Variants in DNAH17 observed in about 807,000 individuals in gnomAD.
The protein encoded by DNAH17 is axonemal beta dynein heavy chain 17.
Under a neutral mutation model 485.6 loss-of-function variants are expected in DNAH17, and 376 were observed. That is an observed-to-expected ratio of 0.77 (90% CI 0.71 to 0.84). The LOEUF is 0.84. Ranked by LOEUF, DNAH17 falls within the 40% of genes least tolerant of loss-of-function variation. DNAH17 has a pLI of 0.00. For synonymous variants in DNAH17, 3,031 were observed against 2,405.9 expected, an observed-to-expected ratio of 1.26 and a Z score of -7.60; for missense variants, 6,370 against 5,839.3, an observed-to-expected ratio of 1.09 and a Z score of -2.96.
chr17:78,475,964 G>C, intron 52 of DNAH17, 131 bp from the exon 53 acceptor site: 1 of 1,064,730 alleles, frequency 9.4e-7, no homozygotes, highest in Non-Finnish European at 1.3e-6. Flanking sequence ...AAGTCTCCAG[G>C]GGCCCAAACC....
intron 48 of DNAH17, among the ~76,000 whole-genome samples, chr17:78,483,314 G>C (rs1414629761): frequency 6.6e-6 from 1 of 152,186 alleles, no homozygotes; most frequent in African/African-American, 2.4e-5. Context: ...GCAAGTGATG[G>C]AGTCAGACAT....
intron 36 of DNAH17, chr17:78,499,357 A>C (rs1239651577): frequency 5.5e-6 from 2 of 363,314 alleles, no homozygotes; most frequent in East Asian, 8.5e-5. Flanking sequence ...CAGGATGGGG[A>C]CTTCCTGGAG....
chr17:78,431,454 C>A (rs893746807), intron 75 of DNAH17, among the ~76,000 whole-genome samples: 2 of 151,336 alleles, frequency 1.3e-5, no homozygotes, highest in African/African-American at 4.9e-5. Flanking sequence ...GGGAACCCCC[C>A]ACCCCGAGAC....
chr17:78,547,649 A>T (rs111648221), intron 16 of DNAH17, among the ~76,000 whole-genome samples: 24,305 of 142,554 alleles, frequency 0.17, 2,109 homozygotes, highest in African/African-American at 0.22. Flanking sequence ...ATGGAGTCTC[A>T]CTCTGTCTCC....
intron 9 of DNAH17, among the ~76,000 whole-genome samples, chr17:78,568,753 G>A (rs907306207): frequency 1.2e-4 from 18 of 152,170 alleles, no homozygotes; most frequent in African/African-American, 4.3e-4. Context: ...GCTGGGCCAT[G>A]CACCATTTTT....
chr17:78,526,385 G>T (rs116254658), intron 24 of DNAH17, among the ~76,000 whole-genome samples: 118 of 152,306 alleles, frequency 7.7e-4, no homozygotes, highest in Non-Finnish European at 1.4e-3. Context: ...GGCCTGAGCC[G>T]TGGGCCTGGA....
In DNAH17 at chr17:78,423,767, C is replaced by T. The variant is rs562278569; in HGVS notation, c.*139G>A. The T allele has an allele frequency of 1.2e-5, 14 of 1,164,010 alleles. No homozygotes were observed. The East Asian group carries it at 3.3e-4, about 27-fold the overall frequency. The allele number at this position is 1,164,010 out of a possible 1,614,324, so 72.1% of individuals were successfully genotyped here. On this transcript the variant is annotated 3_prime_UTR_variant, in exon 81 of 81. Transcript: ENST00000389840. Reference sequence around the variant, plus strand: ...ACCTCCACCCTCTGGTTCCGATGTGCTTGGTTACAAAGCACCTGATTATTT... The same window carrying T: ...ACCTCCACCCTCTGGTTCCGATGTGTTTGGTTACAAAGCACCTGATTATTT...
In DNAH17 at chr17:78,486,077, G is replaced by C. The variant is rs1271934234; in HGVS notation, c.7158C>G (p.Ile2386Met). The C allele has an allele frequency of 6.2e-7, 1 of 1,613,948 alleles. No individual in the cohort carries two copies. The highest frequency in any genetic ancestry group is 8.5e-7 in the Non-Finnish European group (1 of 1,179,886). The change falls in exon 46 of 81, where the codon ATC becomes ATG. Residue 2386 changes from isoleucine (I) to methionine (M), a missense_variant. Ile to Met is a conservative substitution (Grantham distance 10). Transcript: ENST00000389840. ...SKWWINEFKT[I>M]KFPSQGTIFD... ...AAATCGTTCCCTGCGAGGGGAACTT[G>C]ATAGTCTTGAATTCGTTGATCCACC...
At chr17:78,456,849 C>A (rs146603902) in intron 62 of DNAH17, among the ~76,000 whole-genome samples, 2 of 152,376 alleles carry the variant, frequency 1.3e-5, no homozygotes, top group East Asian at 1.9e-4. Flanking sequence ...GCCTGGGGCA[C>A]TCACAGCTGA....
At chr17:78,425,233 C>G (rs1323694343) in intron 80 of DNAH17, 113 bp downstream of exon 80, 1 of 1,071,396 alleles carries the variant, frequency 9.3e-7, no homozygotes, top group African/African-American at 1.6e-5. Flanking sequence ...CTCTCTCCTG[C>G]CTGTCCCCAC....
At chr17:78,446,137 G>A (rs2087282713) in intron 69 of DNAH17, among the ~76,000 whole-genome samples, 1 of 117,464 alleles carries the variant, frequency 8.5e-6, no homozygotes, top group Non-Finnish European at 1.6e-5. Context: ...TTACGCCACT[G>A]CGCTCTAGCC....
intron 41 of DNAH17, 92 bp from the exon 42 acceptor site, chr17:78,492,857 T>TTTTTTTTTTTG (rs1241445461): frequency 3.7e-6 from 4 of 1,071,754 alleles, no homozygotes; most frequent in African/African-American, 3.7e-5. Context: ...CCTGGATGGT[T>TTTTTTTTTTTG]TTTTTTTTTT....
At chr17:78,485,245 G>A (rs938980079) in intron 47 of DNAH17, 1 of 670,032 alleles carries the variant, frequency 1.5e-6, no homozygotes, top group Non-Finnish European at 2.5e-6. Flanking sequence ...GAGGGTGGCA[G>A]GAACCTTGCT....
In DNAH17 at chr17:78,565,008, G is replaced by A. The variant is rs530717307; in HGVS notation, c.1569+1606C>T. Among the ~76,000 whole-genome samples the A allele has an allele frequency of 9.2e-5, 14 of 152,238 alleles. No homozygotes were observed. The South Asian group carries it at 2.1e-3, about 23-fold the overall frequency. On this transcript the variant is annotated intron_variant, in intron 11 of 80. Coordinates refer to ENST00000389840, the MANE Select transcript of DNAH17 (RefSeq NM_173628.4). ...CAGGGTCTCCATCCTCCACCATCCC[G>A]CAGGGGATGTCTGATTACCCTAACC... is the stretch of plus-strand genomic sequence containing the variant.
In DNAH17 at chr17:78,449,081, C is replaced by A. The variant is rs1044527252; in HGVS notation, c.11211+333G>T. Reference sequence around the variant, plus strand: ...TTCTTAAGAAACATCAGTCACCCCACAGTGGGCTAAGCACTAATGCAGGAC... The same window carrying A: ...TTCTTAAGAAACATCAGTCACCCCAAAGTGGGCTAAGCACTAATGCAGGAC... On this transcript the variant is annotated intron_variant, in intron 69 of 80. Transcript: ENST00000389840. Among the ~76,000 whole-genome samples, 377 of 152,316 alleles carry A rather than the reference C, an allele frequency of 2.5e-3. 4 individuals carry two copies. The highest frequency in any genetic ancestry group is 0.022 in the Admixed American group (338 of 15,296).
At chr17:78,559,701 C>T (rs962466345) in intron 13 of DNAH17, among the ~76,000 whole-genome samples, 12 of 152,228 alleles carry the variant, frequency 7.9e-5, no homozygotes, top group Admixed American at 2.0e-4. Context: ...CTCTGTCTGA[C>T]ACCCTGCAGG....
chr17:78,525,793 G>A (rs998112004), intron 24 of DNAH17, among the ~76,000 whole-genome samples: 1 of 152,248 alleles, frequency 6.6e-6, no homozygotes, highest in African/African-American at 2.4e-5. Context: ...CCAGCCCGGG[G>A]CCCTAGGGAG....
Position 78,502,983 on chromosome 17 carries a change from T to C in DNAH17, c.4985A>G (p.Asp1662Gly). The change falls in exon 32 of 81, where the codon GAC becomes GGC. Residue 1662 changes from aspartate to glycine, a missense_variant. Transcript: ENST00000389840. The part of the protein sequence containing the change: ...QVEVWLNRVL[D>G]RMCSTLRHEI... ...GTGCCGGAGGGTAGAGCACATTCGGTCCAGCACTCGATTCAGCCACACTTC... is the reference window on the plus strand; with the variant it reads ...GTGCCGGAGGGTAGAGCACATTCGGCCCAGCACTCGATTCAGCCACACTTC... The C allele has an allele frequency of 1.2e-6, 2 of 1,613,770 alleles. No homozygotes were observed.
Position 78,526,746 on chromosome 17 carries a change from G to C in DNAH17, c.3625-9C>G. 1 of 1,602,622 alleles carries C rather than the reference G, an allele frequency of 6.2e-7. No individual in the cohort carries two copies. The highest frequency in any genetic ancestry group is 1.1e-5 in the South Asian group (1 of 90,198). ...AACTCATGTTGCTTGAGCTGCGAGA[G>C]AAGAGTGCAAAGTACAGAGAGTCAC... On this transcript the variant is annotated splice_polypyrimidine_tract_variant and intron_variant, in intron 23 of 80. Transcript: ENST00000389840.
Sources: gnomAD v4.1 joint callset for allele counts (sites outside exome capture counted in the v4.1 genomes callset) on GRCh38, gnomAD v4.1.1 for gene constraint, MANE v1.5 for transcripts, NCBI Gene and HGNC (gene_info 2026-07-23, HGNC 2026-07-21) for gene names.